The following WHRN variants were observed in gnomAD, a reference collection of about 807,000 sequenced individuals.
WHRN encodes whirlin.
A neutral mutation model predicts 68.3 loss-of-function variants in WHRN; 41 were observed. The ratio of observed to expected loss-of-function variants is 0.60; its 90% confidence interval spans 0.47 to 0.78. The LOEUF (loss-of-function observed/expected upper bound fraction) is 0.78. Among genes scored for constraint, WHRN ranks in the 30% least tolerant of loss-of-function variants. WHRN has a pLI of 0.00. For synonymous variants in WHRN, 560 were observed against 561.3 expected (o/e 1.00, Z 0.03); for missense variants, 1,243 against 1,244.7 (o/e 1.00, Z 0.02).
chr9:114,411,628 C>T (rs1364662119), intron 7 of WHRN, among the ~76,000 whole-genome samples: 1 of 152,134 alleles, frequency 6.6e-6, no homozygotes, highest in African/African-American at 2.4e-5. Context: ...GTGACTTTTT[C>T]CCAGAAAGGG....
intron 7 of WHRN, among the ~76,000 whole-genome samples, chr9:114,415,509 T>A (rs1049280504): frequency 6.6e-6 from 1 of 152,172 alleles, no homozygotes; most frequent in Non-Finnish European, 1.5e-5. Flanking sequence ...TCTCACCTCA[T>A]CTATTGCCTG....
chr9:114,486,930 GTGT>G (rs1842547114), intron 1 of WHRN, among the ~76,000 whole-genome samples: 1 of 47,234 alleles, frequency 2.1e-5, no homozygotes, highest in African/African-American at 4.6e-5. Flanking sequence ...TGTGTAGAGT[GTGT>G]GTGTGTGTTG....
intron 1 of WHRN, among the ~76,000 whole-genome samples, chr9:114,482,622 C>G (rs1275246246): frequency 1.3e-5 from 2 of 152,104 alleles, no homozygotes; most frequent in Non-Finnish European, 1.5e-5. Flanking sequence ...CTCCCCTCCC[C>G]CTCAGCATGT....
intron 1 of WHRN, among the ~76,000 whole-genome samples, chr9:114,501,434 A>C (rs1843912424): frequency 6.6e-6 from 1 of 152,204 alleles, no homozygotes; most frequent in African/African-American, 2.4e-5. Flanking sequence ...TTGATTTATC[A>C]GAAAGAGAAG....
chr9:114,446,287 T>G (rs1199959478), intron 3 of WHRN, among the ~76,000 whole-genome samples: 1 of 152,088 alleles, frequency 6.6e-6, no homozygotes, highest in Admixed American at 6.5e-5. Context: ...ATGCCCAAAA[T>G]AGGCGTATCT....
intron 7 of WHRN, among the ~76,000 whole-genome samples, chr9:114,412,693 C>T (rs890993324): frequency 6.6e-6 from 1 of 152,222 alleles, no homozygotes; most frequent in African/African-American, 2.4e-5. Context: ...AGAAAAGAAC[C>T]CCTTATTTCC....
intron 3 of WHRN, among the ~76,000 whole-genome samples, chr9:114,453,106 G>A (rs757727568): frequency 3.3e-5 from 5 of 152,198 alleles, no homozygotes; most frequent in Non-Finnish European, 4.4e-5. Context: ...AAGAAAAGAG[G>A]TTTATCTTGG....
intron 8 of WHRN, among the ~76,000 whole-genome samples, 200 bp from the exon 9 acceptor site, chr9:114,407,092 T>G (rs578220485): frequency 1.3e-5 from 2 of 152,280 alleles, no homozygotes; most frequent in East Asian, 3.9e-4. Flanking sequence ...AGCGTTGGGA[T>G]CTTGGCGGGT....
chr9:114,427,488 G>A (rs1377786086), intron 3 of WHRN, among the ~76,000 whole-genome samples: 2 of 152,198 alleles, frequency 1.3e-5, no homozygotes, highest in Non-Finnish European at 2.9e-5. Context: ...GCCTTGAAGG[G>A]CAGCCTCACA....
chr9:114,505,101 C>T lies in WHRN; in HGVS notation c.-300G>A. 2.8e-6 allele frequency: 1 copy of T among 351,752 alleles called. No homozygotes were observed. The highest frequency in any genetic ancestry group is 5.0e-6 in the Non-Finnish European group (1 of 198,724). The allele number at this position is 351,752 out of a possible 1,614,324, so 21.8% of individuals were successfully genotyped here. On this transcript the variant is annotated 5_prime_UTR_variant, in exon 1 of 12. Coordinates refer to ENST00000362057, the MANE Select transcript of WHRN (RefSeq NM_015404.4). ...TGGAGCCCGGAGGTGGCGGAGACTG[C>T]TGCTGGAGTCCGGGGGGCGCGGGGT...
chr9:114,435,492 C>T (rs1837775121), intron 3 of WHRN, among the ~76,000 whole-genome samples: 1 of 152,170 alleles, frequency 6.6e-6, no homozygotes, highest in African/African-American at 2.4e-5. Context: ...AAAGGGAAGA[C>T]AAAGAGGTAA....
rs186760957 is a variant in WHRN, at chr9:114,452,888, G to A, written c.963+13379C>T. On this transcript the variant is annotated intron_variant, in intron 3 of 11. Transcript: ENST00000362057. ...AAGGACTGGCTGAGAGAAGGGCCCAGAGCTCTGGGCCCCCAGCATAGAGCC... is the reference window on the plus strand; with the variant it reads ...AAGGACTGGCTGAGAGAAGGGCCCAAAGCTCTGGGCCCCCAGCATAGAGCC... Among the ~76,000 whole-genome samples the A allele has an allele frequency of 7.9e-5, 12 of 152,270 alleles. No homozygotes were observed. In the East Asian group the frequency reaches 2.1e-3, roughly 27 times the overall value.
At chr9:114,474,173 G>A (rs1231841946) in intron 2 of WHRN, among the ~76,000 whole-genome samples, 2 of 152,056 alleles carry the variant, frequency 1.3e-5, no homozygotes, top group African/African-American at 4.8e-5. Flanking sequence ...AGGGAGTACT[G>A]GAACCTTCCC....
intron 3 of WHRN, among the ~76,000 whole-genome samples, chr9:114,450,412 G>T (rs1363946897): frequency 6.6e-6 from 1 of 152,080 alleles, no homozygotes; most frequent in African/African-American, 2.4e-5. Flanking sequence ...TGGGAGGAAG[G>T]CCCCACTGTG....
chr9:114,426,565 C>T (rs778987337), intron 3 of WHRN, 152 bp from the exon 4 acceptor site: 16 of 880,466 alleles, frequency 1.8e-5, no homozygotes, highest in Non-Finnish European at 2.6e-5. Context: ...GAGGGTCACA[C>T]AGCAAGTCAA....
chr9:114,417,086 T>C (rs1030447827), intron 7 of WHRN, among the ~76,000 whole-genome samples: 2 of 152,212 alleles, frequency 1.3e-5, no homozygotes, highest in African/African-American at 4.8e-5. Flanking sequence ...GGAAATGATA[T>C]TGTGTGAAGG....
At chr9:114,447,772 CTT>C (rs1838963748) in intron 3 of WHRN, among the ~76,000 whole-genome samples, 1 of 151,520 alleles carries the variant, frequency 6.6e-6, no homozygotes, top group Non-Finnish European at 1.5e-5. Context: ...CTCTCTCTCT[CTT>C]TCTCTCTGTC....
At chr9:114,466,487 G>A (rs574857447) in intron 2 of WHRN, 95 bp from the exon 3 acceptor site, 11 of 1,562,860 alleles carry the variant, frequency 7.0e-6, no homozygotes, top group Admixed American at 6.7e-5. Flanking sequence ...TTTGAAGAGC[G>A]CATCTTATCC....
intron 7 of WHRN, among the ~76,000 whole-genome samples, chr9:114,420,681 T>G (rs1343711027): frequency 6.6e-6 from 1 of 152,008 alleles, no homozygotes; most frequent in East Asian, 1.9e-4. Flanking sequence ...TTCCAGACCC[T>G]CCACGAGTCC....
Sources: gnomAD v4.1 joint callset for allele counts (sites outside exome capture counted in the v4.1 genomes callset) on GRCh38, gnomAD v4.1.1 for gene constraint, MANE v1.5 for transcripts, NCBI Gene and HGNC (gene_info 2026-07-23, HGNC 2026-07-21) for gene names.